The following MTA3 variants were observed in gnomAD, a reference collection of about 807,000 sequenced individuals.
MTA3 encodes the protein metastasis-associated protein MTA3.
In MTA3, 34 loss-of-function variants were observed where a neutral mutation model predicts 83.5. The observed-to-expected ratio is 0.41, with a 90% CI of 0.31 to 0.54. The LOEUF is 0.54. Ranked by LOEUF, MTA3 falls within the 20% of genes least tolerant of loss-of-function variation. The pLI is 0.33. For synonymous variants in MTA3, 303 were observed against 252.7 expected (o/e 1.20, Z -1.89); for missense variants, 761 against 726.4 (o/e 1.05, Z -0.55).
chr2:42,640,229 A>T lies in MTA3; in HGVS notation c.374A>T (p.Asp125Val), dbSNP rs370642232. 4 of 1,603,936 alleles carry T rather than the reference A, an allele frequency of 2.5e-6. No individual in the cohort carries two copies. Among genetic ancestry groups the T allele is most frequent in the East Asian group, 2.2e-5 (1 of 44,678 alleles). Residue 125 changes from aspartate (D) to valine (V), a missense_variant, in exon 5 of 17, where the codon GAT (aspartate) becomes GTT (valine). Transcript: ENST00000405094. ...NETESVLSYL[D>V]KEDTFFYSLV... is the part of the protein sequence containing the mutation. ...ACAGAATCAGTATTGTCATATCTTG[A>T]TAAGGAGGTAATTCACAATCATAGT...
intron 16 of MTA3, among the ~76,000 whole-genome samples, chr2:42,745,999 A>G (rs1343895936): frequency 6.6e-6 from 1 of 151,530 alleles, no homozygotes; most frequent in Admixed American, 6.6e-5. Context: ...TTTTTAGTAG[A>G]GACGGGGTTT....
intron 2 of MTA3, among the ~76,000 whole-genome samples, chr2:42,549,367 A>G (rs1276800942): frequency 6.1e-5 from 7 of 114,138 alleles, no homozygotes; most frequent in Non-Finnish European, 1.2e-4. Flanking sequence ...ATATACGTAT[A>G]TACGTATATA....
intron 3 of MTA3, among the ~76,000 whole-genome samples, chr2:42,586,477 A>AACAT (rs1553350213): frequency 1.4e-5 from 1 of 72,698 alleles, no homozygotes; most frequent in Non-Finnish European, 2.5e-5. Flanking sequence ...AAGGAAGGAA[A>AACAT]ACACACACAC....
In MTA3 at chr2:42,672,903, A is replaced by G. The variant is rs552496940; in HGVS notation, c.703-9498A>G. On this transcript the variant is annotated intron_variant, in intron 8 of 16. Coordinates refer to ENST00000405094, the MANE Select transcript of MTA3 (RefSeq NM_001330442.2). ...CCTCTGTCACCCAGGCTGGAGTGCA[A>G]TGGTGCAATCTCAGCTCACTGCTAC... Among the ~76,000 whole-genome samples, 180 of 147,060 alleles carry G rather than the reference A, an allele frequency of 1.2e-3. 2 individuals are homozygous for G. Among genetic ancestry groups the G allele is most frequent in the Non-Finnish European group, 1.2e-3 (81 of 67,318 alleles).
intron 16 of MTA3, chr2:42,752,348 G>T: frequency 2.2e-6 from 1 of 463,868 alleles, no homozygotes. Context: ...AGGGTGATGT[G>T]CCTGGGGCAG....
intron 8 of MTA3, among the ~76,000 whole-genome samples, chr2:42,667,446 G>A (rs536957519): frequency 3.3e-5 from 5 of 151,944 alleles, no homozygotes; most frequent in African/African-American, 9.7e-5. Flanking sequence ...TTCTACTTTT[G>A]TCTCTATGAA....
chr2:42,500,869 G>C (rs1674364519), intron 2 of MTA3, among the ~76,000 whole-genome samples: 1 of 148,572 alleles, frequency 6.7e-6, no homozygotes, highest in Non-Finnish European at 1.5e-5. Context: ...GGAGTGTGGT[G>C]GCGTGATCTC....
rs533332429 is a variant in MTA3, at chr2:42,516,825, G to A, written c.-141+21571G>A. 9.9e-5 allele frequency among the ~76,000 whole-genome samples: 15 copies of A among 152,278 alleles called. 2 individuals are homozygous for A. The South Asian group carries it at 3.1e-3, about 32-fold the overall frequency. On this transcript the variant is annotated intron_variant, in intron 2 of 17. Coordinates refer to the MTA3 transcript ENST00000405592. ...TTACCTTAGGTCAGGAAATAATGAA[G>A]CATGAAAATGCAGTATCTGCCAGCT... is the stretch of plus-strand genomic sequence containing the variant.
chr2:42,538,912 C>T (rs1304345181), intron 2 of MTA3, among the ~76,000 whole-genome samples: 1 of 149,370 alleles, frequency 6.7e-6, no homozygotes, highest in African/African-American at 2.5e-5. Flanking sequence ...GTAGCTGGGA[C>T]TACAGGCGCC....
chr2:42,679,033 T>C (rs1016098181), intron 8 of MTA3, among the ~76,000 whole-genome samples: 1 of 151,996 alleles, frequency 6.6e-6, no homozygotes, highest in Non-Finnish European at 1.5e-5. Context: ...GGAAAGTGAG[T>C]CTCAGAGCAG....
intron 3 of MTA3, among the ~76,000 whole-genome samples, chr2:42,590,911 G>A (rs944488014): frequency 2.6e-5 from 4 of 152,046 alleles, no homozygotes; most frequent in African/African-American, 9.7e-5. Flanking sequence ...TTTCATGACT[G>A]TGTGTTATTC....
At chr2:42,587,308 C>T (rs1196092141) in intron 3 of MTA3, among the ~76,000 whole-genome samples, 1 of 152,116 alleles carries the variant, frequency 6.6e-6, no homozygotes, top group African/African-American at 2.4e-5. Flanking sequence ...CAAGACCCTG[C>T]CTCCCAAAAT....
chr2:42,577,105 A>AAAATATATATATAT (rs1211189566), intron 2 of MTA3, among the ~76,000 whole-genome samples: 4 of 86,920 alleles, frequency 4.6e-5, no homozygotes, highest in African/African-American at 2.2e-4. Context: ...AAAAAAAAAA[A>AAAATATATATATAT]ATATATATAT....
intron 16 of MTA3, among the ~76,000 whole-genome samples, chr2:42,742,146 T>C (rs563272887): frequency 1.8e-4 from 27 of 151,826 alleles, no homozygotes; most frequent in South Asian, 1.5e-3. Context: ...TTCTTTCTTT[T>C]TTTTTTTTTT....
rs1341280137 is a variant in MTA3 at position 42,570,420 on chromosome 2, A to C, written c.29-17A>C. Reference sequence around the variant, plus strand: ...TTCTGTTAAAAAGATTAAGTTCTGTACTTCCTTTAATTACAGATTATGTCT... The same window carrying C: ...TTCTGTTAAAAAGATTAAGTTCTGTCCTTCCTTTAATTACAGATTATGTCT... On this transcript the variant is annotated splice_polypyrimidine_tract_variant and intron_variant, in intron 1 of 16. Coordinates refer to ENST00000405094, the MANE Select transcript of MTA3 (RefSeq NM_001330442.2). 4 of 1,464,022 alleles carry C rather than the reference A, an allele frequency of 2.7e-6. No homozygotes were observed. Among genetic ancestry groups the C allele is most frequent in the Non-Finnish European group, 3.7e-6 (4 of 1,073,350 alleles). The allele number at this position is 1,464,022 out of a possible 1,614,324, so 90.7% of individuals were successfully genotyped here.
intron 3 of MTA3, among the ~76,000 whole-genome samples, chr2:42,597,984 G>A (rs1486844492): frequency 6.7e-6 from 1 of 149,216 alleles, no homozygotes; most frequent in Non-Finnish European, 1.5e-5. Context: ...GCCTGGCCAA[G>A]TTATCTTTTT....
intron 3 of MTA3, 94 bp downstream of exon 3, chr2:42,579,294 C>G: frequency 1.1e-6 from 1 of 882,788 alleles, no homozygotes; most frequent in Non-Finnish European, 1.7e-6. Context: ...AAGTCTTTTG[C>G]TTGTCCATTT....
chr2:42,737,965 A>G (rs1049510173), intron 16 of MTA3, among the ~76,000 whole-genome samples: 2 of 152,230 alleles, frequency 1.3e-5, no homozygotes, highest in African/African-American at 2.4e-5. Context: ...TTCCCAGTGC[A>G]TATAAAGTTA....
intron 2 of MTA3, among the ~76,000 whole-genome samples, chr2:42,558,309 T>G (rs1677497390): frequency 6.6e-6 from 1 of 150,460 alleles, no homozygotes; most frequent in African/African-American, 2.4e-5. Context: ...TGGCATGATC[T>G]CGGCTCACTG....
Sources: gnomAD v4.1 joint callset for allele counts (sites outside exome capture counted in the v4.1 genomes callset) on GRCh38, gnomAD v4.1.1 for gene constraint, MANE v1.5 for transcripts, NCBI Gene and HGNC (gene_info 2026-07-23, HGNC 2026-07-21) for gene names.